The following PCDHGA11 variants were observed in gnomAD, a reference collection of about 807,000 sequenced individuals.
The protein encoded by PCDHGA11 is protocadherin gamma subfamily A, 11.
A neutral mutation model predicts 60.4 loss-of-function variants in PCDHGA11; 39 were observed. The ratio of observed to expected loss-of-function variants is 0.65; its 90% CI spans 0.50 to 0.84. The LOEUF is 0.84. PCDHGA11 is among the 40% of genes least tolerant of loss of function. PCDHGA11 has a pLI of 0.00. For missense variants in PCDHGA11, 1,165 were observed against 1,197.7 expected, an observed-to-expected ratio of 0.97 and a Z score of 0.40; for synonymous variants, 533 against 510.3, an observed-to-expected ratio of 1.04 and a Z score of -0.60.
rs1167955962 is a variant in PCDHGA11, at chr5:141,477,078, A to G, written c.2434-17729A>G. ...GAGGACACCAAACTCCATGAGATTT[A>G]CATCCAGGCCAAAGACAAGGGCGCC... On this transcript the variant is annotated intron_variant, in intron 1 of 3. Transcript: ENST00000398587. This position sits in a 1 kb window ranked among gnomAD's most constrained non-coding sequence, Gnocchi z 4.9. The G allele has an allele frequency of 6.8e-6, 11 of 1,614,262 alleles. No individual in the cohort carries two copies. In the South Asian group the frequency reaches 1.2e-4, roughly 18 times the overall value.
rs113341686 is a variant in PCDHGA11, at chr5:141,488,763, G to A, written c.2434-6044G>A. Among the ~76,000 whole-genome samples the A allele has an allele frequency of 6.6e-4, 101 of 152,264 alleles. 1 individual carries two copies. The highest frequency in any genetic ancestry group is 1.7e-3 in the African/African-American group (69 of 41,544). ...ATGCAGGAAGTTGCTGGGACAGAACGCTGAGGAGTTTTGTATCACTTTGTC... is the reference window on the plus strand; with the variant it reads ...ATGCAGGAAGTTGCTGGGACAGAACACTGAGGAGTTTTGTATCACTTTGTC... On this transcript the variant is annotated intron_variant, in intron 1 of 3. Coordinates refer to ENST00000398587, the MANE Select transcript of PCDHGA11 (RefSeq NM_018914.3).
At chr5:141,449,349 G>A (rs191322076) in intron 1 of PCDHGA11, among the ~76,000 whole-genome samples, 2 of 151,956 alleles carry the variant, frequency 1.3e-5, no homozygotes, top group African/African-American at 4.8e-5. Flanking sequence ...GCTCACTCCT[G>A]TAATCCCAGC....
At chr5:141,480,726 G>A (rs2099524533) in intron 1 of PCDHGA11, among the ~76,000 whole-genome samples, 1 of 152,138 alleles carries the variant, frequency 6.6e-6, no homozygotes, top group Non-Finnish European at 1.5e-5. Context: ...CACAGTCTCT[G>A]GGGGTGGGAC....
chr5:141,433,056 G>C, intron 1 of PCDHGA11: 10 of 1,614,204 alleles, frequency 6.2e-6, no homozygotes, highest in Non-Finnish European at 8.5e-6. Context: ...TCGCGGAAGA[G>C]TCACCTGATC....
rs1464961193 is a variant in PCDHGA11 at position 141,432,346 on chromosome 5, A to G, written c.2433+8686A>G. The G allele has an allele frequency of 6.2e-7, 1 of 1,614,192 alleles. No homozygotes were observed. Among genetic ancestry groups the G allele is most frequent in the African/African-American group, 1.3e-5 (1 of 75,054 alleles). On this transcript the variant is annotated intron_variant, in intron 1 of 3. Coordinates refer to ENST00000398587, the MANE Select transcript of PCDHGA11 (RefSeq NM_018914.3). This position sits in a 1 kb window ranked among gnomAD's most constrained non-coding sequence, Gnocchi z 6.0. ...ACTACGAGCAGTTCCGAGACTTGCA[A>G]GTGAAAGTGATGGCGCGGGACAACG...
chr5:141,507,736 G>A (rs1562231670), intron 3 of PCDHGA11, among the ~76,000 whole-genome samples: 1 of 152,240 alleles, frequency 6.6e-6, no homozygotes. Flanking sequence ...CATGCAGCTC[G>A]TTCCCCTGTC....
chr5:141,446,622 G>A (rs1338969669), intron 1 of PCDHGA11, among the ~76,000 whole-genome samples: 13 of 152,044 alleles, frequency 8.6e-5, no homozygotes, highest in East Asian at 1.9e-4. Flanking sequence ...GACTACAGGC[G>A]TGCACCACCA....
At chr5:141,464,300 A>T (rs1349155102) in intron 1 of PCDHGA11, among the ~76,000 whole-genome samples, 2 of 149,898 alleles carry the variant, frequency 1.3e-5, no homozygotes, top group African/African-American at 4.9e-5. Flanking sequence ...ACTCCATTGT[A>T]TGTGCACATA....
intron 2 of PCDHGA11, among the ~76,000 whole-genome samples, 199 bp downstream of exon 2, chr5:141,495,064 C>T (rs563712352): frequency 6.6e-6 from 1 of 152,296 alleles, no homozygotes; most frequent in South Asian, 2.1e-4. Context: ...GTTCAGGAAG[C>T]TCAATTCACA....
rs1210753842 is a variant in PCDHGA11 at position 141,421,679 on chromosome 5, C to T, written c.452C>T (p.Ala151Val). ...GTCAGTGAGCACGCAATTCCTGGGG[C>T]GCGATTTGCTCTTCCTAATGCTAGG... is the stretch of plus-strand genomic sequence containing the variant. ...IKVSEHAIPG[A>V]RFALPNARDP... The change falls in exon 1 of 4, where the codon GCG becomes GTG. Residue 151 changes from alanine (A) to valine (V), a missense_variant. Coordinates refer to ENST00000398587, the MANE Select transcript of PCDHGA11 (RefSeq NM_018914.3). The T allele has an allele frequency of 1.2e-6, 2 of 1,613,810 alleles. No individual in the cohort carries two copies. Among genetic ancestry groups the T allele is most frequent in the Admixed American group, 1.7e-5 (1 of 59,994 alleles).
At chr5:141,457,750 C>G (rs900052683) in intron 1 of PCDHGA11, among the ~76,000 whole-genome samples, 4 of 152,188 alleles carry the variant, frequency 2.6e-5, no homozygotes, top group African/African-American at 9.6e-5. Flanking sequence ...AAGCTGAGCC[C>G]AGACATGGGT....
chr5:141,498,254 G>A (rs550611179), intron 2 of PCDHGA11, among the ~76,000 whole-genome samples: 2 of 152,338 alleles, frequency 1.3e-5, no homozygotes, highest in East Asian at 3.9e-4. Context: ...AGCAGGGCTG[G>A]TGTTGAGTTC....
At position 141,486,028 on chromosome 5, in the gene PCDHGA11, C is replaced by T; in HGVS notation, c.2434-8779C>T. On this transcript the variant is annotated intron_variant, in intron 1 of 3. Transcript: ENST00000398587. This position sits in a 1 kb window ranked among gnomAD's most constrained non-coding sequence, Gnocchi z 5.0. ...TCACCTTTTATTTCAGTGGTCATAC[C>T]CCTGATCGTGTAAGAAACCTCTTTA... The T allele has an allele frequency of 6.2e-7, 1 of 1,614,134 alleles. No individual in the cohort carries two copies. Among genetic ancestry groups the T allele is most frequent in the Non-Finnish European group, 8.5e-7 (1 of 1,180,020 alleles).
In PCDHGA11 at chr5:141,489,835, C is replaced by G; in HGVS notation, c.2434-4972C>G. On this transcript the variant is annotated intron_variant, in intron 1 of 3. Transcript: ENST00000398587. This position sits in a 1 kb window ranked among gnomAD's most constrained non-coding sequence, Gnocchi z 4.5. Reference sequence around the variant, plus strand: ...ATTCCCAGAGCTGGTGCTAGAGCAGCAGCTGGATCGTGAAGCCCAGGCAAG... The same window carrying G: ...ATTCCCAGAGCTGGTGCTAGAGCAGGAGCTGGATCGTGAAGCCCAGGCAAG... The G allele has an allele frequency of 6.2e-7, 1 of 1,614,164 alleles. No homozygotes were observed. Among genetic ancestry groups the G allele is most frequent in the Non-Finnish European group, 8.5e-7 (1 of 1,179,972 alleles).
rs1330659052 is a variant in PCDHGA11, at chr5:141,490,012, G to T, written c.2434-4795G>T. On this transcript the variant is annotated intron_variant, in intron 1 of 3. Transcript: ENST00000398587. The surrounding 1 kb of genome is among the most constrained non-coding windows in gnomAD (Gnocchi z 5.4). ...GGGAATCCCAGAGAATGCACCCATT[G>T]GTACTCTGCTGCTCCGCCTCAATGC... The T allele has an allele frequency of 1.2e-6, 2 of 1,614,232 alleles. No homozygotes were observed. Among genetic ancestry groups the T allele is most frequent in the East Asian group, 4.5e-5 (2 of 44,888 alleles).
intron 1 of PCDHGA11, among the ~76,000 whole-genome samples, chr5:141,446,120 T>C (rs2098489182): frequency 6.6e-6 from 1 of 152,196 alleles, no homozygotes; most frequent in Admixed American, 6.5e-5. Flanking sequence ...AGGAAATGGG[T>C]TCAATAAGAC....
rs544565104 is a variant in PCDHGA11, at chr5:141,489,014, G to A, written c.2434-5793G>A. 2.5e-5 allele frequency: 11 copies of A among 433,976 alleles called. No individual in the cohort carries two copies. The highest frequency in any genetic ancestry group is 1.6e-4 in the Admixed American group (4 of 25,754). The allele number at this position is 433,976 out of a possible 1,614,324, so 26.9% of individuals were successfully genotyped here. On this transcript the variant is annotated intron_variant, in intron 1 of 3. Coordinates refer to ENST00000398587, the MANE Select transcript of PCDHGA11 (RefSeq NM_018914.3). This position sits in a 1 kb window ranked among gnomAD's most constrained non-coding sequence, Gnocchi z 4.5. ...GGTGGGAGATCTGCTCTTCCAGCCC[G>A]CCTCTCCTCCTCCAGCTCCCCAGCT... is the stretch of plus-strand genomic sequence containing the variant.
intron 1 of PCDHGA11, chr5:141,479,355 A>G (rs2099493778): frequency 6.6e-6 from 1 of 152,506 alleles, no homozygotes; most frequent in Non-Finnish European, 1.5e-5. Flanking sequence ...CTTGCTGCTC[A>G]GTGCCTGAGG....
intron 1 of PCDHGA11, among the ~76,000 whole-genome samples, chr5:141,430,380 TG>T (rs1376875091): frequency 6.8e-6 from 1 of 147,890 alleles, no homozygotes; most frequent in Non-Finnish European, 1.5e-5. Flanking sequence ...AAAAGCTCAT[TG>T]GGAAAAAAAA....
Sources: gnomAD v4.1 joint callset for allele counts (sites outside exome capture counted in the v4.1 genomes callset) on GRCh38, gnomAD v4.1.1 for gene constraint, Gnocchi (gnomAD v3.1) non-coding constraint, MANE v1.5 for transcripts, NCBI Gene and HGNC (gene_info 2026-07-23, HGNC 2026-07-21) for gene names.